SLCO1B1: variants seen among roughly 807,000 people sequenced by gnomAD.
SLCO1B1 encodes OATP-2.
Under a neutral mutation model 70.1 loss-of-function variants are expected in SLCO1B1, and 81 were observed. The ratio of observed to expected loss-of-function variants is 1.16; its 90% CI spans 0.97 to 1.39. The LOEUF is 1.39. SLCO1B1 is among the 40% of genes most tolerant of loss of function. The pLI, the probability that SLCO1B1 is intolerant of heterozygous loss-of-function variation, is 0.00. For missense variants in SLCO1B1, 895 were observed against 799.6 expected (o/e 1.12, Z -1.44); for synonymous variants, 283 against 271.5 (o/e 1.04, Z -0.42).
At chr12:21,194,264 G>A (rs2046032) in intron 7 of SLCO1B1, among the ~76,000 whole-genome samples, 55,469 of 149,504 alleles carry the variant, frequency 0.37, 12,594 homozygotes, top group Non-Finnish European at 0.5. Context: ...TGATCCACCC[G>A]TCTCAGCCTC....
At chr12:21,137,295 G>T (rs1940238300) in intron 1 of SLCO1B1, among the ~76,000 whole-genome samples, 2 of 152,198 alleles carry the variant, frequency 1.3e-5, no homozygotes, top group African/African-American at 4.8e-5. Flanking sequence ...CACTTGAGGA[G>T]GCAGTCTGCC....
At chr12:21,205,204 A>G (rs1000293386) in intron 10 of SLCO1B1, among the ~76,000 whole-genome samples, 1 of 151,942 alleles carries the variant, frequency 6.6e-6, no homozygotes, top group Non-Finnish European at 1.5e-5. Context: ...TTATACAAAA[A>G]ATATATTTTA....
chr12:21,139,201 A>G (rs1940273776), intron 1 of SLCO1B1, among the ~76,000 whole-genome samples: 1 of 152,120 alleles, frequency 6.6e-6, no homozygotes, highest in African/African-American at 2.4e-5. Flanking sequence ...TTTTAAAAAA[A>G]GATTTCCTAA....
chr12:21,156,325 C>T (rs1302912195), intron 2 of SLCO1B1, among the ~76,000 whole-genome samples: 2 of 151,990 alleles, frequency 1.3e-5, no homozygotes, highest in South Asian at 2.1e-4. Flanking sequence ...GAATTTATGA[C>T]AAATGTTCAT....
chr12:21,224,617 A>G, intron 13 of SLCO1B1, 105 bp from the exon 14 acceptor site: 1 of 771,178 alleles, frequency 1.3e-6, no homozygotes, highest in Non-Finnish European at 2.3e-6. Context: ...CGAATCCTCC[A>G]AATTTTTGAA....
intron 2 of SLCO1B1, among the ~76,000 whole-genome samples, chr12:21,142,405 C>T (rs560109496): frequency 8.4e-4 from 127 of 151,862 alleles, no homozygotes; most frequent in Admixed American, 1.6e-3. Flanking sequence ...AATTGAAAAC[C>T]CTGGAACCCA....
intron 13 of SLCO1B1, among the ~76,000 whole-genome samples, chr12:21,223,972 TTAAC>T (rs781664509): frequency 4.4e-4 from 67 of 152,162 alleles, no homozygotes; most frequent in Middle Eastern, 3.4e-3. Context: ...CAAATAAAAA[TTAAC>T]TAAGAAAAAG....
intron 2 of SLCO1B1, among the ~76,000 whole-genome samples, chr12:21,152,532 G>GTTTTTTTTTTTTTTTTT (rs1321105425): frequency 2.5e-4 from 2 of 7,910 alleles, no homozygotes; most frequent in Non-Finnish European, 6.1e-4. Context: ...GAGAGGAGAG[G>GTTTTTTTTTTTTTTTTT]CTTTTTTTTT....
chr12:21,223,575 C>T (rs7954542), intron 13 of SLCO1B1, among the ~76,000 whole-genome samples: 64,224 of 151,864 alleles, frequency 0.42, 13,968 homozygotes, highest in East Asian at 0.73. Context: ...TCCTCAGTAC[C>T]GGGTTTTCTC....
chr12:21,133,748 T>G (rs1940175042), intron 1 of SLCO1B1, among the ~76,000 whole-genome samples: 1 of 152,156 alleles, frequency 6.6e-6, no homozygotes, highest in Non-Finnish European at 1.5e-5. Flanking sequence ...ATGATGGGGT[T>G]TTCTAGATAT....
intron 11 of SLCO1B1, among the ~76,000 whole-genome samples, chr12:21,206,545 C>T (rs1421608696): frequency 6.6e-6 from 1 of 151,894 alleles, no homozygotes; most frequent in Non-Finnish European, 1.5e-5. Context: ...TTCATGCTCA[C>T]TTGACTGCCC....
chr12:21,155,238 A>G (rs1565667952), intron 2 of SLCO1B1, among the ~76,000 whole-genome samples: 1 of 151,978 alleles, frequency 6.6e-6, no homozygotes, highest in Non-Finnish European at 1.5e-5. Flanking sequence ...GTTAAAAATT[A>G]TGTATATCTT....
chr12:21,146,701 C>T (rs1355376506), intron 2 of SLCO1B1, among the ~76,000 whole-genome samples: 2 of 152,016 alleles, frequency 1.3e-5, no homozygotes, highest in African/African-American at 2.4e-5. Context: ...TCATAAGTTA[C>T]TTAAAAGTGT....
intron 11 of SLCO1B1, among the ~76,000 whole-genome samples, chr12:21,216,146 G>T (rs971949786): frequency 2.6e-5 from 4 of 151,890 alleles, no homozygotes; most frequent in Non-Finnish European, 5.9e-5. Context: ...ATTTATTTGT[G>T]TATTTATTTA....
intron 11 of SLCO1B1, among the ~76,000 whole-genome samples, chr12:21,214,918 C>G (rs1246716465): frequency 6.6e-6 from 1 of 151,946 alleles, no homozygotes; most frequent in Non-Finnish European, 1.5e-5. Flanking sequence ...CGCCCTGCTT[C>G]GGCTCACGCA....
intron 7 of SLCO1B1, among the ~76,000 whole-genome samples, chr12:21,185,783 G>C (rs1283253747): frequency 6.6e-6 from 1 of 151,652 alleles, no homozygotes; most frequent in Non-Finnish European, 1.5e-5. Context: ...ATAAAACCAA[G>C]AGTTTGTTAT....
At chr12:21,152,699 C>T (rs1270233985) in intron 2 of SLCO1B1, among the ~76,000 whole-genome samples, 1 of 151,618 alleles carries the variant, frequency 6.6e-6, no homozygotes, top group Non-Finnish European at 1.5e-5. Context: ...ATTTCCTTTC[C>T]CTTCGGTCAG....
At chr12:21,192,550 A>G (rs1941042974) in intron 7 of SLCO1B1, among the ~76,000 whole-genome samples, 1 of 149,894 alleles carries the variant, frequency 6.7e-6, no homozygotes, top group Non-Finnish European at 1.5e-5. Context: ...TTGTGTTGAT[A>G]TTTTTTCTAA....
chr12:21,222,137 G>A (rs568206485), intron 12 of SLCO1B1, among the ~76,000 whole-genome samples, 163 bp from the exon 13 acceptor site: 25 of 151,608 alleles, frequency 1.6e-4, no homozygotes, highest in Admixed American at 7.2e-4. Context: ...TTGCTCAAGT[G>A]TTTGCCTTTT....
Sources: gnomAD v4.1 joint callset for allele counts (sites outside exome capture counted in the v4.1 genomes callset) on GRCh38, gnomAD v4.1.1 for gene constraint, MANE v1.5 for transcripts, NCBI Gene and HGNC (gene_info 2026-07-23, HGNC 2026-07-21) for gene names.